The following VPS37B variants were observed in gnomAD, a reference collection of about 807,000 sequenced individuals.
VPS37B encodes VPS37B subunit of ESCRT-I.
In VPS37B, 11 loss-of-function variants were observed where a neutral mutation model predicts 21.2. That is an observed-to-expected ratio of 0.52 (90% CI 0.33 to 0.86). The LOEUF (loss-of-function observed/expected upper bound fraction) is 0.86. Among genes scored for constraint, VPS37B ranks in the 40% least tolerant of loss-of-function variants. The pLI, the probability that VPS37B is intolerant of heterozygous loss-of-function variation, is 0.03. For missense variants in VPS37B, 389 were observed against 374.8 expected (o/e 1.04, Z -0.31); for synonymous variants, 175 against 159.6 (o/e 1.10, Z -0.73).
chr12:122,888,421 A>G (rs1383149832), intron 1 of VPS37B: 2 of 383,024 alleles, frequency 5.2e-6, no homozygotes, highest in African/African-American at 4.2e-5. Flanking sequence ...GGGGAAGGAA[A>G]TAAACCAACG....
intron 1 of VPS37B, chr12:122,887,695 C>G (rs1211615785): frequency 6.6e-6 from 1 of 152,178 alleles, no homozygotes; most frequent in Non-Finnish European, 1.5e-5. Context: ...TCACATGTAC[C>G]CTGTACACCT....
rs567130554 is a variant in VPS37B at position 122,868,873 on chromosome 12, T to C, written c.284-311A>G. Among the ~76,000 whole-genome samples, 11 of 152,296 alleles carry C rather than the reference T, an allele frequency of 7.2e-5. No individual in the cohort carries two copies. In the East Asian group the frequency reaches 2.1e-3, roughly 29 times the overall value. ...ACATCGAGTATACACATCTCAAGTG[T>C]GTAAGTCAAATTTCCACGTGTTTAA... On this transcript the variant is annotated intron_variant, in intron 2 of 3. Transcript: ENST00000267202. This position sits in a 1 kb window ranked among gnomAD's most constrained non-coding sequence, Gnocchi z 5.5.
Position 122,866,969 on chromosome 12 carries a change from C to T in VPS37B, c.*147G>A, listed in dbSNP as rs955780721. 9 of 1,080,022 alleles carry T rather than the reference C, an allele frequency of 8.3e-6. No individual in the cohort carries two copies. The highest frequency in any genetic ancestry group is 3.1e-4 in the Middle Eastern group (1 of 3,204). 66.9% of individuals were successfully genotyped at this position (1,080,022 alleles called of 1,614,324 possible). On this transcript the variant is annotated 3_prime_UTR_variant, in exon 4 of 4. Coordinates refer to ENST00000267202, the MANE Select transcript of VPS37B (RefSeq NM_024667.3). ...CAAAGCCTGGGCTCCTACTACTCACCACTGACCTACAGTTCTAAAATCAGA... is the reference window on the plus strand; with the variant it reads ...CAAAGCCTGGGCTCCTACTACTCACTACTGACCTACAGTTCTAAAATCAGA...
chr12:122,889,247 G>T (rs2135712073), intron 1 of VPS37B: 1 of 152,526 alleles, frequency 6.6e-6, no homozygotes, highest in South Asian at 2.0e-4. Context: ...ACAGAGGTGG[G>T]GAAAGCACTT....
Position 122,865,406 on chromosome 12 carries a change from G to A in VPS37B, c.*1710C>T, listed in dbSNP as rs1008150179. On this transcript the variant is annotated 3_prime_UTR_variant, in exon 4 of 4. Transcript: ENST00000267202. ...AGCACCGGACACGGCCCTGGACAGC[G>A]ACGGCGAGCCCGGCCAGGGGCCGCT... 2 of 152,214 alleles carry A rather than the reference G, an allele frequency of 1.3e-5. No individual in the cohort carries two copies. Among genetic ancestry groups the A allele is most frequent in the Admixed American group, 1.3e-4 (2 of 15,284 alleles). The allele number at this position is 152,214 out of a possible 1,614,324, so 9.4% of individuals were successfully genotyped here. A position where few individuals can be genotyped will look rare whatever the true frequency, so the allele number is the denominator to read the frequency against.
chr12:122,895,843 C>G, intron 1 of VPS37B, 109 bp downstream of exon 1: 1 of 988,864 alleles, frequency 1.0e-6, no homozygotes, highest in Non-Finnish European at 1.6e-6. Flanking sequence ...AGCCCAGTCC[C>G]CTCAACACGA....
At chr12:122,871,529 C>T in intron 1 of VPS37B, 1 of 986,192 alleles carries the variant, frequency 1.0e-6, no homozygotes, top group Non-Finnish European at 1.2e-6. Context: ...CTAAGAGGTC[C>T]AACCAGCAAG....
intron 1 of VPS37B, among the ~76,000 whole-genome samples, chr12:122,893,477 CATAAA>C (rs2034445960): frequency 5.0e-4 from 23 of 45,634 alleles, no homozygotes; most frequent in Admixed American, 3.6e-3. Flanking sequence ...GTCAACAGTT[CATAAA>C]ATATTTTCTT....
intron 1 of VPS37B, chr12:122,871,860 C>G (rs1050091145): frequency 1.0e-6 from 1 of 985,174 alleles, no homozygotes; most frequent in Admixed American, 6.1e-5. Flanking sequence ...AAATAAAAAA[C>G]ACAAACGCGT....
intron 1 of VPS37B, chr12:122,873,744 G>C (rs2034085549): frequency 6.6e-6 from 1 of 152,246 alleles, no homozygotes; most frequent in Admixed American, 6.5e-5. Context: ...CATGTCTTTC[G>C]TGGCATCATC....
chr12:122,866,494 G>C lies in VPS37B; in HGVS notation c.*622C>G, dbSNP rs894007188. 1.3e-5 allele frequency: 2 copies of C among 152,482 alleles called. No individual in the cohort carries two copies. The highest frequency in any genetic ancestry group is 6.5e-5 in the Admixed American group (1 of 15,286). The allele number at this position is 152,482 out of a possible 1,614,324, so 9.4% of individuals were successfully genotyped here. ...CGTGCGCTCCCCTCCCACACCAGTGGCCGTTCTCCGGCCTCTGGACTCGGC... is the reference window on the plus strand; with the variant it reads ...CGTGCGCTCCCCTCCCACACCAGTGCCCGTTCTCCGGCCTCTGGACTCGGC... On this transcript the variant is annotated 3_prime_UTR_variant, in exon 4 of 4. Transcript: ENST00000267202.
chr12:122,881,145 T>C (rs1398758539), intron 1 of VPS37B: 1 of 152,284 alleles, frequency 6.6e-6, no homozygotes, highest in Non-Finnish European at 1.5e-5. Flanking sequence ...TTTGCTGACA[T>C]TTGTTGAGCA....
rs1247366413 is a variant in VPS37B at position 122,894,682 on chromosome 12, G to C, written c.111+1270C>G. On this transcript the variant is annotated intron_variant, in intron 1 of 3. Coordinates refer to ENST00000267202, the MANE Select transcript of VPS37B (RefSeq NM_024667.3). ...GAGGAGAACCAGACCCAAAAGATCA[G>C]ACTTTCCGAGAATGAGTCCAAATGG... Among the ~76,000 whole-genome samples, 3 of 152,232 alleles carry C rather than the reference G, an allele frequency of 2.0e-5. No homozygotes were observed. In the East Asian group the frequency reaches 5.8e-4, roughly 29 times the overall value.
chr12:122,872,455 G>A (rs2034057471), intron 1 of VPS37B: 1 of 985,396 alleles, frequency 1.0e-6, no homozygotes, highest in Non-Finnish European at 1.2e-6. Flanking sequence ...GTAAAAGCTA[G>A]GAGTGTCCTC....
At chr12:122,881,935 C>G (rs2034252973) in intron 1 of VPS37B, 1 of 152,022 alleles carries the variant, frequency 6.6e-6, no homozygotes, top group African/African-American at 2.4e-5. Flanking sequence ...TATATTCCCG[C>G]TTTTTTTTAA....
At chr12:122,869,302 G>A (rs1032875752) in intron 2 of VPS37B, among the ~76,000 whole-genome samples, 21 of 152,190 alleles carry the variant, frequency 1.4e-4, no homozygotes, top group Admixed American at 1.3e-3. Context: ...ATACACCCAG[G>A]AGCAGAGCTG....
At position 122,867,901 on chromosome 12, in the gene VPS37B, C is replaced by G. The variant is rs2033941391; in HGVS notation, c.367-294G>C. On this transcript the variant is annotated intron_variant, in intron 3 of 3. Coordinates refer to ENST00000267202, the MANE Select transcript of VPS37B (RefSeq NM_024667.3). This position sits in a 1 kb window ranked among gnomAD's most constrained non-coding sequence, Gnocchi z 5.5. ...TCCGACTCCTGGGTCCCAGGCCTCT[C>G]TCGAGCCCGCTGGAGTCCAACACCT... Among the ~76,000 whole-genome samples the G allele has an allele frequency of 6.6e-6, 1 of 152,136 alleles. No homozygotes were observed. Among genetic ancestry groups the G allele is most frequent in the Non-Finnish European group, 1.5e-5 (1 of 68,022 alleles).
At chr12:122,884,888 G>A (rs537838786) in intron 1 of VPS37B, 2 of 152,306 alleles carry the variant, frequency 1.3e-5, no homozygotes, top group Admixed American at 1.3e-4. Flanking sequence ...AAATAAGAAA[G>A]TGCCTATCCA....
At chr12:122,884,627 A>G (rs1172380892) in intron 1 of VPS37B, 1 of 152,084 alleles carries the variant, frequency 6.6e-6, no homozygotes, top group African/African-American at 2.4e-5. Context: ...CCTGACCATG[A>G]GGGGTGTCAG....
Sources: gnomAD v4.1 joint callset for allele counts (sites outside exome capture counted in the v4.1 genomes callset) on GRCh38, gnomAD v4.1.1 for gene constraint, Gnocchi (gnomAD v3.1) non-coding constraint, MANE v1.5 for transcripts, NCBI Gene and HGNC (gene_info 2026-07-23, HGNC 2026-07-21) for gene names.